The following MLLT10 variants were observed in gnomAD, a reference collection of about 807,000 sequenced individuals.
MLLT10 encodes the protein protein AF-10.
A neutral mutation model predicts 129.1 loss-of-function variants in MLLT10; 30 were observed. The observed-to-expected ratio is 0.23, with a 90% CI of 0.17 to 0.32. MLLT10 has a LOEUF of 0.32. Among genes scored for constraint, MLLT10 ranks in the 10% least tolerant of loss-of-function variants. The pLI is 1.00. For missense variants in MLLT10, 1,119 were observed against 1,268.3 expected, an observed-to-expected ratio of 0.88 and a Z score of 1.79; for synonymous variants, 490 against 446.4, an observed-to-expected ratio of 1.10 and a Z score of -1.23.
intron 3 of MLLT10, among the ~76,000 whole-genome samples, chr10:21,543,810 T>C (rs1334058842): frequency 3.3e-5 from 5 of 152,184 alleles, no homozygotes; most frequent in Admixed American, 2.0e-4. Context: ...GCAGGGTCCT[T>C]TGTAAGAAAC....
chr10:21,705,096 G>A (rs905211846), intron 13 of MLLT10, among the ~76,000 whole-genome samples: 2 of 152,130 alleles, frequency 1.3e-5, no homozygotes, highest in Non-Finnish European at 2.9e-5. Context: ...TAGGTTGGAC[G>A]GTTCTCGGGT....
chr10:21,548,034 C>A (rs778859375), intron 3 of MLLT10, among the ~76,000 whole-genome samples: 1 of 151,808 alleles, frequency 6.6e-6, no homozygotes, highest in Non-Finnish European at 1.5e-5. Flanking sequence ...TTATATTAGT[C>A]TTTTTGTGTC....
At chr10:21,624,962 A>G in intron 8 of MLLT10, 1 of 1,297,320 alleles carries the variant, frequency 7.7e-7, no homozygotes, top group Non-Finnish European at 1.1e-6. Flanking sequence ...GTGGTGGTGA[A>G]GCACCCTGCC....
At chr10:21,579,626 G>C (rs1194625977) in intron 3 of MLLT10, among the ~76,000 whole-genome samples, 1 of 150,326 alleles carries the variant, frequency 6.7e-6, no homozygotes, top group Non-Finnish European at 1.5e-5. Context: ...GCAGTGGTGC[G>C]ATCTCGGCTC....
At chr10:21,663,751 A>G (rs1589506163) in intron 9 of MLLT10, among the ~76,000 whole-genome samples, 2 of 152,042 alleles carry the variant, frequency 1.3e-5, no homozygotes, top group South Asian at 4.1e-4. Context: ...ATTTTTTAGT[A>G]GAGACGGGGT....
At chr10:21,739,379 G>C (rs541478234) in intron 21 of MLLT10, among the ~76,000 whole-genome samples, 8 of 152,260 alleles carry the variant, frequency 5.3e-5, no homozygotes. Context: ...TCTTCATCCA[G>C]ATGTTAACTT....
intron 8 of MLLT10, among the ~76,000 whole-genome samples, chr10:21,618,273 C>T (rs2045461313): frequency 6.6e-6 from 1 of 151,736 alleles, no homozygotes; most frequent in South Asian, 2.1e-4. Context: ...CTTTGGGAGG[C>T]TGAGGGAGGT....
chr10:21,680,398 G>A (rs374429207), intron 11 of MLLT10, among the ~76,000 whole-genome samples: 1 of 151,652 alleles, frequency 6.6e-6, no homozygotes, highest in South Asian at 2.1e-4. Flanking sequence ...TAGAGACGGG[G>A]TTTCGCCTTA....
chr10:21,659,770 C>CA, intron 9 of MLLT10, among the ~76,000 whole-genome samples: 1 of 152,242 alleles, frequency 6.6e-6, no homozygotes, highest in East Asian at 1.9e-4. Context: ...CTTGGCCTCC[C>CA]AAAGTGCTGG....
At chr10:21,717,424 G>A (rs1400087281) in intron 14 of MLLT10, among the ~76,000 whole-genome samples, 1 of 149,586 alleles carries the variant, frequency 6.7e-6, no homozygotes, top group East Asian at 2.0e-4. Flanking sequence ...GAGTCTGATA[G>A]CAGCATACAT....
chr10:21,707,847 T>G (rs1433113086), intron 13 of MLLT10, among the ~76,000 whole-genome samples: 1 of 152,320 alleles, frequency 6.6e-6, no homozygotes. Flanking sequence ...ACCTGTTTTT[T>G]CTTCTTTCAA....
rs937359819 is a variant in MLLT10, at chr10:21,688,917, C to T, written c.1699+6660C>T. On this transcript the variant is annotated intron_variant, in intron 13 of 22. Transcript: ENST00000307729. ...CATGTTTTATAATCATGATAACTCT[C>T]TGATTCTTTTAACATATATCTCAAA... Among the ~76,000 whole-genome samples the T allele has an allele frequency of 2.0e-5, 3 of 152,192 alleles. No individual in the cohort carries two copies. The East Asian group carries it at 5.8e-4, about 29-fold the overall frequency.
In MLLT10 at chr10:21,661,169, G is replaced by T. The variant is rs184749329; in HGVS notation, c.796-9280G>T. Among the ~76,000 whole-genome samples, 119 of 152,262 alleles carry T rather than the reference G, an allele frequency of 7.8e-4. 1 individual carries two copies. Among genetic ancestry groups the T allele is most frequent in the African/African-American group, 2.8e-3 (118 of 41,556 alleles). Reference sequence around the variant, plus strand: ...TCTGAGAGAGCAAGGCACACTGTATGATTTCTATTCTTTAAAATTTGTTAA... The same window carrying T: ...TCTGAGAGAGCAAGGCACACTGTATTATTTCTATTCTTTAAAATTTGTTAA... On this transcript the variant is annotated intron_variant, in intron 9 of 22. Coordinates refer to ENST00000307729, the MANE Select transcript of MLLT10 (RefSeq NM_001195626.3).
chr10:21,554,851 T>G (rs1489143699), intron 3 of MLLT10, among the ~76,000 whole-genome samples: 1 of 151,758 alleles, frequency 6.6e-6, no homozygotes. Flanking sequence ...AGACAGAGTT[T>G]TGCCGTGTTT....
intron 8 of MLLT10, among the ~76,000 whole-genome samples, chr10:21,628,801 C>T (rs968991069): frequency 5.1e-5 from 7 of 136,222 alleles, no homozygotes; most frequent in Admixed American, 8.3e-5. Context: ...GGCTGGAGTG[C>T]GGTGACATGA....
At chr10:21,678,462 A>C (rs181479964) in intron 11 of MLLT10, among the ~76,000 whole-genome samples, 1 of 152,290 alleles carries the variant, frequency 6.6e-6, no homozygotes, top group Non-Finnish European at 1.5e-5. Context: ...AGTATTATTA[A>C]GTTGGAAAAG....
intron 2 of MLLT10, among the ~76,000 whole-genome samples, chr10:21,536,549 T>C (rs1164686318): frequency 6.6e-6 from 1 of 152,208 alleles, no homozygotes; most frequent in Admixed American, 6.5e-5. Context: ...TTTTGACGGA[T>C]AGAGCATTTA....
intron 3 of MLLT10, 54 bp downstream of exon 3, chr10:21,538,966 G>C (rs1460749235): frequency 8.0e-7 from 1 of 1,253,674 alleles, no homozygotes; most frequent in Admixed American, 1.7e-5. Flanking sequence ...TAGGAAATTA[G>C]GAACTGCACT....
At chr10:21,738,677 T>G (rs536039632) in intron 21 of MLLT10, 1 of 582,126 alleles carries the variant, frequency 1.7e-6, no homozygotes, top group Non-Finnish European at 2.2e-6. Context: ...ATTCTTCATC[T>G]TAACGTCACC....
Sources: gnomAD v4.1 joint callset for allele counts (sites outside exome capture counted in the v4.1 genomes callset) on GRCh38, gnomAD v4.1.1 for gene constraint, MANE v1.5 for transcripts, NCBI Gene and HGNC (gene_info 2026-07-23, HGNC 2026-07-21) for gene names.